RAB27A: variants seen among roughly 807,000 people sequenced by gnomAD.
RAB27A encodes RAB27A, member RAS oncogene family, also known as ras-related protein Rab-27A.
In RAB27A, 17 loss-of-function variants were observed where a neutral mutation model predicts 20.8. The ratio of observed to expected loss-of-function variants is 0.82; its 90% CI spans 0.56 to 1.23. The LOEUF is 1.23. Among genes scored for constraint, RAB27A ranks in the 50% most tolerant of loss-of-function variants. The pLI is 0.00. For missense variants in RAB27A, 277 were observed against 266.7 expected (o/e 1.04, Z -0.27); for synonymous variants, 85 against 92.8 (o/e 0.92, Z 0.48).
chr15:55,224,768 C>A (rs575387327), intron 5 of RAB27A, among the ~76,000 whole-genome samples: 4 of 152,332 alleles, frequency 2.6e-5, no homozygotes, highest in South Asian at 4.1e-4. Flanking sequence ...ACCCATCACA[C>A]CCCAGAATAA....
chr15:55,268,653 T>C (rs1007704111), intron 2 of RAB27A, among the ~76,000 whole-genome samples: 1 of 152,082 alleles, frequency 6.6e-6, no homozygotes, highest in Non-Finnish European at 1.5e-5. Flanking sequence ...AAACCATGGG[T>C]TAGTAGACAG....
chr15:55,258,808 C>T (rs1179054950), intron 2 of RAB27A, among the ~76,000 whole-genome samples: 1 of 152,058 alleles, frequency 6.6e-6, no homozygotes. Flanking sequence ...ACATTTGTAT[C>T]TTTCTCCTAT....
chr15:55,218,959 CT>C (rs1001619433), intron 6 of RAB27A, among the ~76,000 whole-genome samples: 2 of 152,104 alleles, frequency 1.3e-5, no homozygotes, highest in African/African-American at 4.8e-5. Flanking sequence ...CCAGGCTGGT[CT>C]CGAACTCCTG....
Position 55,241,479 on chromosome 15 carries a change from T to C in RAB27A, c.-22-6523A>G, listed in dbSNP as rs145765297. ...GCCTGGTGAGAGAAAGTCTATCATC[T>C]TCCTTATTTTTAAAATAAAACATAT... On this transcript the variant is annotated intron_variant, in intron 2 of 6. Coordinates refer to ENST00000336787, the MANE Select transcript of RAB27A (RefSeq NM_183235.3). Among the ~76,000 whole-genome samples the C allele has an allele frequency of 7.1e-4, 108 of 151,828 alleles. 1 individual carries two copies. In the East Asian group the frequency reaches 0.013, roughly 18 times the overall value.
rs1894520877 is a variant in RAB27A at position 55,203,952 on chromosome 15, AG to A, written c.*1554del. On this transcript the variant is annotated 3_prime_UTR_variant, in exon 7 of 7. Transcript: ENST00000336787. ...TTTTTCCTTTTTTAAAAATAAATTT[AG>A]GGGGTACAAGTACAGTTTAGATACA... is the stretch of plus-strand genomic sequence containing the variant. 1 of 152,152 alleles carries A rather than the reference AG, an allele frequency of 6.6e-6. No homozygotes were observed. 9.4% of individuals were successfully genotyped at this position (152,152 alleles called of 1,614,324 possible). A position where few individuals can be genotyped will look rare whatever the true frequency, so the allele number is the denominator to read the frequency against.
At chr15:55,313,965 T>A (rs1347181506) in intron 2 of RAB27A, 1 of 153,544 alleles carries the variant, frequency 6.5e-6, no homozygotes, top group Non-Finnish European at 1.4e-5. Flanking sequence ...AGAGCGAGAC[T>A]CCATCTCAAT....
chr15:55,256,268 G>A (rs1897075591), intron 2 of RAB27A, among the ~76,000 whole-genome samples: 1 of 152,076 alleles, frequency 6.6e-6, no homozygotes, highest in Admixed American at 6.5e-5. Context: ...TTTTTAATTA[G>A]CAAGGTGAGG....
chr15:55,209,649 T>C (rs1216646155), intron 6 of RAB27A, among the ~76,000 whole-genome samples: 2 of 149,376 alleles, frequency 1.3e-5, no homozygotes, highest in Non-Finnish European at 3.0e-5. Flanking sequence ...CATCTCTATA[T>C]ATCTTTTGGG....
chr15:55,205,559 G>A lies in RAB27A; in HGVS notation c.614C>T (p.Ala205Val). 3.7e-6 allele frequency: 6 copies of A among 1,614,124 alleles called. No homozygotes were observed. Among genetic ancestry groups the A allele is most frequent in the Non-Finnish European group, 5.1e-6 (6 of 1,180,034 alleles). Residue 205 changes from alanine to valine, a missense_variant, in exon 7 of 7, where the codon GCC becomes GTC. By Grantham distance (64) the Ala-to-Val change is moderately conservative. Coordinates refer to ENST00000336787, the MANE Select transcript of RAB27A (RefSeq NM_183235.3). ...TTCTTCACTTAACTGATCCGTAGAG[G>A]CATGACCATTTGATCGCACCACTCC... Reference protein sequence around the residue: ...PEGVVRSNGHASTDQLSEEKE... With the variant: ...PEGVVRSNGHVSTDQLSEEKE...
intron 5 of RAB27A, among the ~76,000 whole-genome samples, chr15:55,224,441 T>C (rs1302115913): frequency 5.3e-5 from 8 of 152,262 alleles, no homozygotes; most frequent in Non-Finnish European, 8.8e-5. Context: ...TCTAAAAGAA[T>C]TGTTTTTCTC....
chr15:55,263,404 A>G (rs4261468), intron 2 of RAB27A, among the ~76,000 whole-genome samples: 50,810 of 151,988 alleles, frequency 0.33, 9,910 homozygotes, highest in East Asian at 0.58. Flanking sequence ...CTTGAGATGC[A>G]GTCACTAGAG....
At chr15:55,289,374 G>C (rs1450518075) in intron 1 of RAB27A, 1 of 152,304 alleles carries the variant, frequency 6.6e-6, no homozygotes, top group African/African-American at 2.4e-5. Flanking sequence ...GGAATGAACC[G>C]GGGGGCGTGC....
chr15:55,245,415 T>A (rs562698564), intron 2 of RAB27A, among the ~76,000 whole-genome samples: 2 of 152,316 alleles, frequency 1.3e-5, no homozygotes, highest in Admixed American at 1.3e-4. Context: ...CTTTGAAAAG[T>A]AGAAGGAAAC....
At chr15:55,318,607 A>T (rs546674201) in intron 1 of RAB27A, among the ~76,000 whole-genome samples, 1 of 151,054 alleles carries the variant, frequency 6.6e-6, no homozygotes, top group East Asian at 2.0e-4. Flanking sequence ...GAGCTGAGGC[A>T]GGAAAATCAC....
chr15:55,256,082 GT>G (rs1566923389), intron 2 of RAB27A, among the ~76,000 whole-genome samples: 1 of 152,078 alleles, frequency 6.6e-6, no homozygotes, highest in Non-Finnish European at 1.5e-5. Context: ...ATGTAAGATC[GT>G]TGTTTTACAA....
chr15:55,242,034 A>G (rs1002965423), intron 2 of RAB27A, among the ~76,000 whole-genome samples: 1 of 152,112 alleles, frequency 6.6e-6, no homozygotes, highest in Admixed American at 6.5e-5. Context: ...ATCACAGCCC[A>G]GATTTTCCAT....
intron 3 of RAB27A, among the ~76,000 whole-genome samples, chr15:55,233,465 G>A (rs1332349988): frequency 6.6e-6 from 1 of 152,106 alleles, no homozygotes; most frequent in Non-Finnish European, 1.5e-5. Context: ...AAACAAAATG[G>A]TGTATCAATA....
chr15:55,215,667 AGT>A (rs1340403515), intron 6 of RAB27A, among the ~76,000 whole-genome samples: 2 of 143,042 alleles, frequency 1.4e-5, no homozygotes, highest in Non-Finnish European at 3.0e-5. Flanking sequence ...AAAAAAAAAG[AGT>A]CATAACCTCA....
intron 1 of RAB27A, among the ~76,000 whole-genome samples, chr15:55,287,485 T>C (rs1352004850): frequency 6.6e-6 from 1 of 152,182 alleles, no homozygotes; most frequent in African/African-American, 2.4e-5. Flanking sequence ...TGGTGGCTCA[T>C]GCCTATGATC....
Sources: gnomAD v4.1 joint callset for allele counts (sites outside exome capture counted in the v4.1 genomes callset) on GRCh38, gnomAD v4.1.1 for gene constraint, MANE v1.5 for transcripts, NCBI Gene and HGNC (gene_info 2026-07-23, HGNC 2026-07-21) for gene names.